Variants in DLG1 observed in about 807,000 individuals in gnomAD.
DLG1 encodes the protein disks large homolog 1.
Under a neutral mutation model 123.4 loss-of-function variants are expected in DLG1, and 42 were observed. The ratio of observed to expected loss-of-function variants is 0.34; its 90% CI spans 0.27 to 0.44. The LOEUF (loss-of-function observed/expected upper bound fraction) is 0.44, where lower values mean the gene tolerates loss of function less well. Among genes scored for constraint, DLG1 ranks in the 20% least tolerant of loss-of-function variants. DLG1 has a pLI of 1.00. For synonymous variants in DLG1, 317 were observed against 356.2 expected (o/e 0.89, Z 1.24); for missense variants, 942 against 1,082.6 (o/e 0.87, Z 1.82).
intron 5 of DLG1, among the ~76,000 whole-genome samples, chr3:197,152,609 A>G (rs531149162): frequency 2.6e-5 from 4 of 151,754 alleles, no homozygotes; most frequent in Middle Eastern, 3.4e-3. Flanking sequence ...AAAAATACAA[A>G]AAAATTAGCT....
At chr3:197,246,607 C>T (rs1751835921) in intron 4 of DLG1, among the ~76,000 whole-genome samples, 1 of 152,186 alleles carries the variant, frequency 6.6e-6, no homozygotes. Context: ...TGGGTTTAAA[C>T]TTTTGATAGG....
At chr3:197,053,035 A>G (rs1729025702) in intron 23 of DLG1, among the ~76,000 whole-genome samples, 1 of 152,254 alleles carries the variant, frequency 6.6e-6, no homozygotes, top group African/African-American at 2.4e-5. Flanking sequence ...GTACACAGAC[A>G]AAATGATAGG....
At position 197,044,629 on chromosome 3, in the gene DLG1, C is replaced by A; in HGVS notation, c.2676G>T (p.Lys892Asn). 1 of 1,600,186 alleles carries A rather than the reference C, an allele frequency of 6.2e-7. No individual in the cohort carries two copies. The highest frequency in any genetic ancestry group is 1.1e-5 in the South Asian group (1 of 89,352). Residue 892 changes from lysine to asparagine, a missense_variant, in exon 25 of 25, where the codon AAG becomes AAT. Coordinates refer to ENST00000667157, the MANE Select transcript of DLG1 (RefSeq NM_001366207.1). ...GSYIWVPAKEKL is the reference protein window; with the variant it reads ...GSYIWVPAKENL The stretch of plus-strand genomic sequence containing the variant: ...AACAGAGAAACATGAGTTTTCATAG[C>A]TTTTCTTTTGCCGGAACCCAGATGT...
intron 15 of DLG1, among the ~76,000 whole-genome samples, chr3:197,090,659 T>C (rs1051319506): frequency 7.2e-5 from 11 of 152,076 alleles, no homozygotes; most frequent in African/African-American, 2.7e-4. Flanking sequence ...CAATTTCTGG[T>C]CCACAGAAAT....
At chr3:197,139,672 G>C (rs1271164785) in intron 8 of DLG1, among the ~76,000 whole-genome samples, 2 of 152,052 alleles carry the variant, frequency 1.3e-5, no homozygotes, top group African/African-American at 4.8e-5. Flanking sequence ...TTGTGGTGTG[G>C]GATTCAACAT....
chr3:197,154,566 T>C (rs1215292867), intron 5 of DLG1, among the ~76,000 whole-genome samples: 4 of 151,688 alleles, frequency 2.6e-5, no homozygotes, highest in African/African-American at 9.7e-5. Context: ...TCCCAGCTAC[T>C]CGGGAGGCTG....
intron 24 of DLG1, among the ~76,000 whole-genome samples, chr3:197,047,977 A>G (rs1724559135): frequency 6.6e-6 from 1 of 152,228 alleles, no homozygotes; most frequent in Non-Finnish European, 1.5e-5. Context: ...CCTATGGAAG[A>G]GGAGAAAATA....
chr3:197,073,690 A>G (rs79615862), intron 18 of DLG1, among the ~76,000 whole-genome samples: 6,169 of 152,274 alleles, frequency 0.041, 179 homozygotes, highest in Non-Finnish European at 0.054. Context: ...AATAAAGAAC[A>G]AATGAATTCA....
intron 11 of DLG1, among the ~76,000 whole-genome samples, chr3:197,127,709 C>T (rs1306501726): frequency 6.6e-6 from 1 of 151,184 alleles, no homozygotes; most frequent in African/African-American, 2.4e-5. Flanking sequence ...CTAGCAGCAC[C>T]AGAAACCTCA....
At chr3:197,110,225 A>G (rs1184265655) in intron 13 of DLG1, among the ~76,000 whole-genome samples, 2 of 152,052 alleles carry the variant, frequency 1.3e-5, no homozygotes, top group Non-Finnish European at 2.9e-5. Flanking sequence ...ATCTCAATTG[A>G]CCCATCTTCA....
chr3:197,298,466 A>G, intron 1 of DLG1, 70 bp downstream of exon 1: 1 of 398,758 alleles, frequency 2.5e-6, no homozygotes, highest in East Asian at 3.6e-5. Flanking sequence ...TAAACGCGCC[A>G]GGCCGGGAAG....
At chr3:197,194,982 A>C (rs986084072) in intron 4 of DLG1, among the ~76,000 whole-genome samples, 2 of 152,032 alleles carry the variant, frequency 1.3e-5, no homozygotes, top group African/African-American at 4.8e-5. Context: ...CAGCCATTTT[A>C]ATTTCTACCT....
intron 7 of DLG1, among the ~76,000 whole-genome samples, chr3:197,140,772 A>C (rs750825576): frequency 3.3e-5 from 5 of 152,312 alleles, no homozygotes; most frequent in Middle Eastern, 6.8e-3. Flanking sequence ...TAAATGACCA[A>C]ATTGTGGCTG....
chr3:197,281,386 G>A (rs1408016345), intron 4 of DLG1, among the ~76,000 whole-genome samples: 3 of 152,084 alleles, frequency 2.0e-5, no homozygotes, highest in Non-Finnish European at 4.4e-5. Context: ...GGATGGAGGA[G>A]TCCTCATGGC....
chr3:197,153,782 G>C (rs113956069), intron 5 of DLG1, among the ~76,000 whole-genome samples: 1,632 of 152,200 alleles, frequency 0.011, 31 homozygotes, highest in African/African-American at 0.037. Context: ...CCAGGGGAAG[G>C]CATAGGCTCA....
At chr3:197,067,551 GTTTTTTTTTT>G (rs199907948) in intron 19 of DLG1, among the ~76,000 whole-genome samples, 6 of 107,392 alleles carry the variant, frequency 5.6e-5, no homozygotes, top group Middle Eastern at 8.5e-3. Flanking sequence ...AACTCTGAGA[GTTTTTTTTTT>G]TTTTTTTTTT....
intron 24 of DLG1, among the ~76,000 whole-genome samples, chr3:197,048,977 G>A (rs1056708497): frequency 2.6e-5 from 4 of 152,106 alleles, no homozygotes; most frequent in Non-Finnish European, 5.9e-5. Flanking sequence ...ATTAAAAACT[G>A]AGTTATTATA....
chr3:197,088,679 T>C (rs753922427), intron 15 of DLG1, among the ~76,000 whole-genome samples: 1 of 152,112 alleles, frequency 6.6e-6, no homozygotes, highest in East Asian at 1.9e-4. Context: ...AGCATAAAGA[T>C]AGAAAAAACC....
chr3:197,110,846 T>G (rs7624859), intron 13 of DLG1, among the ~76,000 whole-genome samples: 22,050 of 152,204 alleles, frequency 0.14, 2,282 homozygotes, highest in African/African-American at 0.29. Context: ...GGGCCCACCT[T>G]TAACACTCAG....
Sources: gnomAD v4.1 joint callset for allele counts (sites outside exome capture counted in the v4.1 genomes callset) on GRCh38, gnomAD v4.1.1 for gene constraint, MANE v1.5 for transcripts, NCBI Gene and HGNC (gene_info 2026-07-23, HGNC 2026-07-21) for gene names.